VPS13D: variants seen among roughly 807,000 people sequenced by gnomAD.
The protein encoded by VPS13D is vacuolar protein sorting 13 homolog D, also known as intermembrane lipid transfer protein VPS13D.
VPS13D carries 187 observed loss-of-function variants against 461.9 expected under a neutral mutation model. The observed-to-expected ratio is 0.40, with a 90% CI of 0.36 to 0.46. The LOEUF (loss-of-function observed/expected upper bound fraction) is 0.46. Among genes scored for constraint, VPS13D ranks in the 20% least tolerant of loss-of-function variants. VPS13D has a pLI of 0.60. For missense variants in VPS13D, 4,711 were observed against 5,364.9 expected, an observed-to-expected ratio of 0.88 and a Z score of 3.81; for synonymous variants, 1,951 against 1,986.3, an observed-to-expected ratio of 0.98 and a Z score of 0.47.
At chr1:12,304,393 T>G in intron 25 of VPS13D, 113 bp from the exon 26 acceptor site, 2 of 934,486 alleles carry the variant, frequency 2.1e-6, no homozygotes, top group Non-Finnish European at 3.2e-6. Flanking sequence ...ATAGAGTCTT[T>G]GAAGACCCTA....
intron 65 of VPS13D, among the ~76,000 whole-genome samples, chr1:12,425,775 A>G (rs1644917850): frequency 6.6e-6 from 1 of 151,996 alleles, no homozygotes; most frequent in Admixed American, 6.6e-5. Context: ...TTAGACTCAG[A>G]CTCTTCAGGA....
At chr1:12,255,487 G>A (rs531820406) in intron 7 of VPS13D, among the ~76,000 whole-genome samples, 23 of 152,224 alleles carry the variant, frequency 1.5e-4, no homozygotes, top group Middle Eastern at 3.4e-3. Flanking sequence ...AGCTGATGTC[G>A]TTGGTTGCCT....
intron 50 of VPS13D, among the ~76,000 whole-genome samples, chr1:12,359,186 G>A (rs976120102): frequency 6.6e-6 from 1 of 152,178 alleles, no homozygotes; most frequent in African/African-American, 2.4e-5. Context: ...GTACCCATAT[G>A]CCTCATAGCC....
At chr1:12,288,334 G>A in intron 22 of VPS13D, 21 bp downstream of exon 22, 1 of 1,609,594 alleles carries the variant, frequency 6.2e-7, no homozygotes, top group Non-Finnish European at 8.5e-7. Flanking sequence ...GGGGGTGGAG[G>A]GAAGCAAACT....
chr1:12,249,196 G>T (rs1640653191), intron 5 of VPS13D, 27 bp from the exon 6 acceptor site: 2 of 1,556,668 alleles, frequency 1.3e-6, no homozygotes, highest in Admixed American at 3.4e-5. Flanking sequence ...AGGTGCATCA[G>T]CTGCTTTTTC....
intron 63 of VPS13D, among the ~76,000 whole-genome samples, chr1:12,414,555 C>G (rs778370020): frequency 7.2e-5 from 11 of 152,044 alleles, no homozygotes; most frequent in South Asian, 4.2e-4. Flanking sequence ...CAGTTTAAAG[C>G]AGAAGAACTT....
chr1:12,267,203 G>A (rs967703074), intron 14 of VPS13D, among the ~76,000 whole-genome samples, 192 bp downstream of exon 14: 1 of 152,102 alleles, frequency 6.6e-6, no homozygotes, highest in African/African-American at 2.4e-5. Flanking sequence ...TTGCACTCCT[G>A]TATTGTAGCC....
intron 27 of VPS13D, among the ~76,000 whole-genome samples, chr1:12,311,076 C>T (rs1642735373): frequency 6.6e-6 from 1 of 151,710 alleles, no homozygotes; most frequent in African/African-American, 2.4e-5. Context: ...CCACCATGCC[C>T]AGTTAATTTT....
At chr1:12,352,026 A>G (rs548157312) in intron 46 of VPS13D, among the ~76,000 whole-genome samples, 1 of 150,702 alleles carries the variant, frequency 6.6e-6, no homozygotes, top group East Asian at 2.0e-4. Flanking sequence ...GCAGTGGCTC[A>G]CGGCTATAAT....
chr1:12,259,318 TA>T lies in VPS13D; in HGVS notation c.1110+1216del, dbSNP rs1249997882. Reference sequence around the variant, plus strand: ...TTCACCACCCCCAGCCTACTCTTTTTATTTTTTTTTTTTTTGAGACAGGATC... The same window carrying T: ...TTCACCACCCCCAGCCTACTCTTTTTTTTTTTTTTTTTTTGAGACAGGATC... On this transcript the variant is annotated intron_variant, in intron 10 of 69. Transcript: ENST00000620676. Among the ~76,000 whole-genome samples the T allele has an allele frequency of 8.3e-3, 1,251 of 149,908 alleles. 55 individuals are homozygous for T. The highest frequency in any genetic ancestry group is 0.03 in the African/African-American group (1,187 of 40,096).
rs530035998 is a variant in VPS13D at position 12,415,905 on chromosome 1, A to G, written c.12165+684A>G. ...TACAGAAAGAGTGGAGGGGCCAGTC[A>G]TGGTGGCTCACACCTGTAATCCGAG... On this transcript the variant is annotated intron_variant, in intron 64 of 69. Coordinates refer to ENST00000620676, the MANE Select transcript of VPS13D (RefSeq NM_015378.4). Among the ~76,000 whole-genome samples the G allele has an allele frequency of 2.0e-5, 3 of 152,184 alleles. No individual in the cohort carries two copies. In the East Asian group the frequency reaches 5.8e-4, roughly 29 times the overall value.
intron 2 of VPS13D, among the ~76,000 whole-genome samples, chr1:12,239,173 C>G (rs1054644396): frequency 2.6e-5 from 4 of 151,914 alleles, no homozygotes; most frequent in East Asian, 1.9e-4. Context: ...GGGTCTTGCT[C>G]TATTGCCCCA....
chr1:12,304,555 G>A lies in VPS13D; in HGVS notation c.6266G>A (p.Arg2089Lys). 1 of 1,614,116 alleles carries A rather than the reference G, an allele frequency of 6.2e-7. No homozygotes were observed. The highest frequency in any genetic ancestry group is 8.5e-7 in the Non-Finnish European group (1 of 1,180,008). The change falls in exon 26 of 70, where the codon AGG becomes AAG. Residue 2089 changes from arginine to lysine, a missense_variant. Around this residue, in one of 3 missense-constraint regions of VPS13D, gnomAD observed 4,411 missense variants for 4,937.8 expected, o/e 0.89. Transcript: ENST00000620676. ...ACGGGTATTCCCAAACACAGTCTGA[G>A]GAAAACGACAAGCACGGAGGAGCCC... ...SPTGIPKHSL[R>K]KTTSTEEPRG...
Position 12,406,861 on chromosome 1 carries a change from G to A in VPS13D, c.12030+2888G>A, listed in dbSNP as rs147534406. Among the ~76,000 whole-genome samples the A allele has an allele frequency of 9.6e-3, 1,468 of 152,268 alleles. 23 individuals are homozygous for A. Among genetic ancestry groups the A allele is most frequent in the African/African-American group, 0.028 (1,153 of 41,552 alleles). On this transcript the variant is annotated intron_variant, in intron 63 of 69. Transcript: ENST00000620676. The stretch of plus-strand genomic sequence containing the variant: ...TACAGCAGTCCTTTTTCCATTTAGA[G>A]CATTGGGGTATTACAAAAGAAGGGC...
intron 65 of VPS13D, among the ~76,000 whole-genome samples, chr1:12,419,914 C>T (rs1029682367): frequency 2.6e-5 from 4 of 152,284 alleles, no homozygotes; most frequent in African/African-American, 9.6e-5. Context: ...GCTATCGGCT[C>T]CTAGGCCGCA....
rs753773277 is a variant in VPS13D, at chr1:12,253,814, G to C, written c.657G>C (p.Gln219His). The C allele has an allele frequency of 1.2e-6, 2 of 1,614,012 alleles. No homozygotes were observed. ...GCACTTTACTGGGGGATTTGCCTCA[G>C]ATGGAGTTACAGGTACGATTTCGGC... is the stretch of plus-strand genomic sequence containing the variant. ...VDCTLLGDLP[Q>H]MELQEAMARS... is the part of the protein sequence containing the mutation. The change falls in exon 7 of 70, where the codon CAG (glutamine) becomes CAC (histidine). Residue 219 changes from glutamine (Q) to histidine (H), a missense_variant. By Grantham distance (24) the Gln-to-His change is conservative. Coordinates refer to ENST00000620676, the MANE Select transcript of VPS13D (RefSeq NM_015378.4).
intron 68 of VPS13D, among the ~76,000 whole-genome samples, chr1:12,498,842 A>G (rs1645996133): frequency 6.6e-6 from 1 of 152,136 alleles, no homozygotes; most frequent in Non-Finnish European, 1.5e-5. Flanking sequence ...TTATAAGGGT[A>G]CTAATCCTAT....
chr1:12,252,133 C>T (rs1479527157), intron 6 of VPS13D, among the ~76,000 whole-genome samples: 1 of 152,122 alleles, frequency 6.6e-6, no homozygotes, highest in Non-Finnish European at 1.5e-5. Flanking sequence ...CTCCACTAAA[C>T]CAGTATGACC....
intron 2 of VPS13D, among the ~76,000 whole-genome samples, chr1:12,238,032 G>A (rs1640215024): frequency 6.6e-6 from 1 of 151,832 alleles, no homozygotes; most frequent in East Asian, 1.9e-4. Context: ...GCGTGTGCCT[G>A]TAGTCCCAGC....
Sources: gnomAD v4.1 joint callset for allele counts (sites outside exome capture counted in the v4.1 genomes callset) on GRCh38, gnomAD v4.1.1 for gene constraint, gnomAD v4.1.1 regional missense constraint, MANE v1.5 for transcripts, NCBI Gene and HGNC (gene_info 2026-07-23, HGNC 2026-07-21) for gene names.